Variants in GMDS observed in about 807,000 individuals in gnomAD.
The protein encoded by GMDS is GDP-mannose 4,6-dehydratase.
Under a neutral mutation model 49.9 loss-of-function variants are expected in GMDS, and 20 were observed. That is an observed-to-expected ratio of 0.40 (90% CI 0.28 to 0.58). The LOEUF is 0.58. Ranked by LOEUF, GMDS falls within the 20% of genes least tolerant of loss-of-function variation. The pLI is 0.42. For missense variants in GMDS, 362 were observed against 481.4 expected, an observed-to-expected ratio of 0.75 and a Z score of 2.32; for synonymous variants, 177 against 178.6, an observed-to-expected ratio of 0.99 and a Z score of 0.07.
intron 6 of GMDS, among the ~76,000 whole-genome samples, chr6:1,932,955 A>G (rs1262511803): frequency 3.3e-5 from 5 of 152,242 alleles, no homozygotes; most frequent in Non-Finnish European, 5.9e-5. Context: ...ATAGAAATGT[A>G]CAACCATCAT....
intron 4 of GMDS, among the ~76,000 whole-genome samples, chr6:2,013,296 T>C (rs1275769691): frequency 6.6e-6 from 1 of 152,086 alleles, no homozygotes; most frequent in African/African-American, 2.4e-5. Context: ...TAGCAAATAC[T>C]AAACAAAACC....
chr6:1,859,222 C>T (rs976192466), intron 7 of GMDS, among the ~76,000 whole-genome samples: 11 of 152,176 alleles, frequency 7.2e-5, no homozygotes, highest in African/African-American at 4.8e-5. Flanking sequence ...AGGATTCCAA[C>T]GTGGAACCCT....
chr6:1,803,586 A>C (rs1163744714), intron 7 of GMDS, among the ~76,000 whole-genome samples: 1 of 151,892 alleles, frequency 6.6e-6, no homozygotes. Flanking sequence ...ATAAATAAAT[A>C]AATAAATAAA....
rs556082373 is a variant in GMDS, at chr6:1,842,051, C to T, written c.771+88052G>A. Among the ~76,000 whole-genome samples, 7 of 152,316 alleles carry T rather than the reference C, an allele frequency of 4.6e-5. No homozygotes were observed. In the South Asian group the frequency reaches 1.4e-3, roughly 32 times the overall value. On this transcript the variant is annotated intron_variant, in intron 7 of 10. Coordinates refer to ENST00000380815, the MANE Select transcript of GMDS (RefSeq NM_001500.4). Reference sequence around the variant, plus strand: ...CCAGGCTCATCCCCTGTGACTCTAACCATTCTCCATATTCACATACTCACA... The same window carrying T: ...CCAGGCTCATCCCCTGTGACTCTAATCATTCTCCATATTCACATACTCACA...
At chr6:2,037,226 GA>G (rs1387101909) in intron 4 of GMDS, among the ~76,000 whole-genome samples, 1 of 152,182 alleles carries the variant, frequency 6.6e-6, no homozygotes. Context: ...ACAAGTAAAA[GA>G]AGGTGGGAAA....
At chr6:2,038,269 T>C (rs1769423553) in intron 4 of GMDS, among the ~76,000 whole-genome samples, 1 of 152,226 alleles carries the variant, frequency 6.6e-6, no homozygotes, top group Non-Finnish European at 1.5e-5. Context: ...GACTGCGAAC[T>C]GGGACAGCTA....
At chr6:1,846,735 A>G (rs1261106744) in intron 7 of GMDS, among the ~76,000 whole-genome samples, 2 of 152,246 alleles carry the variant, frequency 1.3e-5, no homozygotes, top group Non-Finnish European at 2.9e-5. Flanking sequence ...ACTCAGTGAC[A>G]GTGAGAGATG....
At position 2,191,308 on chromosome 6, in the gene GMDS, G is replaced by A. The variant is rs966834240; in HGVS notation, c.102+54013C>T. On this transcript the variant is annotated intron_variant, in intron 1 of 10. Transcript: ENST00000380815. The surrounding 1 kb of genome is among the most constrained non-coding windows in gnomAD (Gnocchi z 4.6). ...CTCTAGGCTGCCCCTGAGTGCGGGG[G>A]CCACGGGGGAGCTCACAGTGATGTC... Among the ~76,000 whole-genome samples, 4 of 152,110 alleles carry A rather than the reference G, an allele frequency of 2.6e-5. No individual in the cohort carries two copies. The highest frequency in any genetic ancestry group is 9.7e-5 in the African/African-American group (4 of 41,442).
At chr6:2,007,409 T>C (rs998841227) in intron 4 of GMDS, among the ~76,000 whole-genome samples, 2 of 152,250 alleles carry the variant, frequency 1.3e-5, no homozygotes, top group East Asian at 3.9e-4. Context: ...ATTCTAAGCA[T>C]GTACACTTCT....
intron 7 of GMDS, among the ~76,000 whole-genome samples, chr6:1,774,639 A>T (rs952099657): frequency 3.3e-5 from 5 of 152,230 alleles, no homozygotes; most frequent in African/African-American, 1.2e-4. Context: ...AATATCCAGG[A>T]AAGATGTTTC....
In GMDS at chr6:1,635,360, C is replaced by A. The variant is rs1763113132; in HGVS notation, c.988-10820G>T. Among the ~76,000 whole-genome samples, 1 of 152,220 alleles carries A rather than the reference C, an allele frequency of 6.6e-6. No homozygotes were observed. The highest frequency in any genetic ancestry group is 1.5e-5 in the Non-Finnish European group (1 of 68,036). On this transcript the variant is annotated intron_variant, in intron 9 of 10. Transcript: ENST00000380815. This position sits in a 1 kb window ranked among gnomAD's most constrained non-coding sequence, Gnocchi z 4.7. The stretch of plus-strand genomic sequence containing the variant: ...GGGACAGGCGAGGAAAGGGTTAAGG[C>A]AAGCTGTGTCCACTGCGCAACCAAC...
At chr6:2,050,557 A>G (rs115986297) in intron 4 of GMDS, among the ~76,000 whole-genome samples, 79,422 of 152,004 alleles carry the variant, frequency 0.52, 21,101 homozygotes, top group East Asian at 0.69. Flanking sequence ...ATACCAAAGC[A>G]TAGCAGAGAC....
At chr6:1,932,409 G>A (rs1762328835) in intron 6 of GMDS, among the ~76,000 whole-genome samples, 1 of 152,212 alleles carries the variant, frequency 6.6e-6, no homozygotes, top group South Asian at 2.1e-4. Flanking sequence ...TTCAAATCGA[G>A]AGCTATATGA....
At chr6:2,188,156 A>G (rs1452955245) in intron 1 of GMDS, among the ~76,000 whole-genome samples, 2 of 152,242 alleles carry the variant, frequency 1.3e-5, no homozygotes, top group East Asian at 3.8e-4. Flanking sequence ...CAAAGCATCA[A>G]GAAGCACACA....
chr6:2,232,004 T>A (rs1471741411), intron 1 of GMDS, among the ~76,000 whole-genome samples: 1 of 152,204 alleles, frequency 6.6e-6, no homozygotes, highest in Non-Finnish European at 1.5e-5. Context: ...TATGGACTAA[T>A]GCCAATCCAT....
intron 4 of GMDS, among the ~76,000 whole-genome samples, chr6:2,062,181 G>A (rs1288062513): frequency 2.0e-5 from 3 of 152,106 alleles, no homozygotes; most frequent in Non-Finnish European, 4.4e-5. Context: ...TCACAGGAGG[G>A]GAAGCTTCTT....
chr6:2,232,911 C>T (rs181322669), intron 1 of GMDS, among the ~76,000 whole-genome samples: 20 of 151,680 alleles, frequency 1.3e-4, no homozygotes, highest in Non-Finnish European at 2.5e-4. Flanking sequence ...CCCACCATGA[C>T]GAAAAAAAAC....
intron 2 of GMDS, among the ~76,000 whole-genome samples, chr6:2,119,773 G>T (rs1775042898): frequency 6.6e-6 from 1 of 152,108 alleles, no homozygotes; most frequent in Admixed American, 6.5e-5. Flanking sequence ...AGTTATAGTA[G>T]TTCAAAAACA....
intron 4 of GMDS, among the ~76,000 whole-genome samples, chr6:2,091,848 A>G (rs1773326883): frequency 6.6e-6 from 1 of 151,966 alleles, no homozygotes; most frequent in South Asian, 2.1e-4. Flanking sequence ...GTGAGCTGTT[A>G]TGGCACCACT....
Sources: gnomAD v4.1 joint callset for allele counts (sites outside exome capture counted in the v4.1 genomes callset) on GRCh38, gnomAD v4.1.1 for gene constraint, Gnocchi (gnomAD v3.1) non-coding constraint, MANE v1.5 for transcripts, NCBI Gene and HGNC (gene_info 2026-07-23, HGNC 2026-07-21) for gene names.